Variants in ZMYM4 observed in about 807,000 individuals in gnomAD.
The protein encoded by ZMYM4 is zinc finger MYM-type containing 4, also known as zinc finger MYM-type protein 4.
In ZMYM4, 31 loss-of-function variants were observed where a neutral mutation model predicts 183.2. The ratio of observed to expected loss-of-function variants is 0.17; its 90% CI spans 0.13 to 0.23. ZMYM4 has a LOEUF of 0.23. ZMYM4 is among the 10% of genes least tolerant of loss of function. The pLI, the probability that ZMYM4 is intolerant of heterozygous loss-of-function variation, is 1.00. For synonymous variants in ZMYM4, 592 were observed against 631.2 expected, an observed-to-expected ratio of 0.94 and a Z score of 0.93; for missense variants, 1,273 against 1,840.3, an observed-to-expected ratio of 0.69 and a Z score of 5.64.
intron 2 of ZMYM4, among the ~76,000 whole-genome samples, chr1:35,350,024 G>T (rs192050627): frequency 8.4e-4 from 126 of 150,566 alleles, no homozygotes; most frequent in African/African-American, 2.9e-3. Context: ...GTTCAGTGGC[G>T]CAGTCATAAC....
intron 1 of ZMYM4, among the ~76,000 whole-genome samples, chr1:35,306,506 T>G (rs1468651538): frequency 6.6e-6 from 1 of 152,186 alleles, no homozygotes; most frequent in Non-Finnish European, 1.5e-5. Context: ...TTGTTTCATT[T>G]TATTTTTTAA....
intron 11 of ZMYM4, 41 bp from the exon 12 acceptor site, chr1:35,386,962 C>T (rs754533193): frequency 1.3e-6 from 2 of 1,583,046 alleles, no homozygotes; most frequent in East Asian, 4.6e-5. Flanking sequence ...TTTGTTTTAA[C>T]AAAGATTAAA....
chr1:35,320,769 A>G (rs1455943079), intron 1 of ZMYM4, among the ~76,000 whole-genome samples: 2 of 152,240 alleles, frequency 1.3e-5, no homozygotes, highest in Admixed American at 1.3e-4. Flanking sequence ...GTGATGAAAA[A>G]GTCCCACATA....
At chr1:35,392,813 C>A in intron 17 of ZMYM4, 129 bp downstream of exon 17, 1 of 644,666 alleles carries the variant, frequency 1.6e-6, no homozygotes, top group Non-Finnish European at 2.5e-6. Context: ...CTCATTTAAT[C>A]TTTGTTCAGG....
chr1:35,394,984 A>T (rs181585087), intron 18 of ZMYM4, among the ~76,000 whole-genome samples: 1 of 152,272 alleles, frequency 6.6e-6, no homozygotes, highest in South Asian at 2.1e-4. Flanking sequence ...TTTTTAAACT[A>T]GAAGGAAATT....
rs566375878 is a variant in ZMYM4 at position 35,307,628 on chromosome 1, G to A, written c.40-17732G>A. 6.2e-3 allele frequency among the ~76,000 whole-genome samples: 936 copies of A among 150,044 alleles called. 8 individuals carry two copies. Among genetic ancestry groups the A allele is most frequent in the African/African-American group, 0.019 (757 of 40,756 alleles). On this transcript the variant is annotated intron_variant, in intron 1 of 29. Coordinates refer to ENST00000314607, the MANE Select transcript of ZMYM4 (RefSeq NM_005095.3). ...CGGCTCACTGCAAGCTCTGCCTCCC[G>A]GGTTCACGCCATTCTCCTGCCTCAG...
rs1642681077 is a variant in ZMYM4, at chr1:35,330,262, A to G, written c.85+4857A>G. ...GAAGGGAGGGAGGGAGGGAGGAAGG[A>G]TAAGGAAGGAATGAGGAAAGAAAAG... On this transcript the variant is annotated intron_variant, in intron 2 of 29. Transcript: ENST00000314607. Among the ~76,000 whole-genome samples, 7 of 152,214 alleles carry G rather than the reference A, an allele frequency of 4.6e-5. No individual in the cohort carries two copies. The South Asian group carries it at 1.5e-3, about 32-fold the overall frequency.
intron 7 of ZMYM4, among the ~76,000 whole-genome samples, chr1:35,376,093 C>G (rs981497784): frequency 3.3e-5 from 5 of 151,450 alleles, no homozygotes; most frequent in African/African-American, 1.2e-4. Context: ...AAAAAAAAAT[C>G]TCATATTTTG....
intron 2 of ZMYM4, among the ~76,000 whole-genome samples, chr1:35,330,167 G>A (rs1011102601): frequency 2.0e-5 from 3 of 151,698 alleles, no homozygotes; most frequent in Admixed American, 6.6e-5. Flanking sequence ...GTGAGCTGAT[G>A]GTGCCATTGC....
intron 25 of ZMYM4, among the ~76,000 whole-genome samples, chr1:35,406,826 G>C (rs2149028463): frequency 6.6e-6 from 1 of 152,306 alleles, no homozygotes; most frequent in Middle Eastern, 3.4e-3. Flanking sequence ...GCAATGACTA[G>C]AAAGGGTGTT....
intron 7 of ZMYM4, among the ~76,000 whole-genome samples, chr1:35,379,637 C>T (rs568864457): frequency 3.7e-4 from 56 of 152,334 alleles, no homozygotes; most frequent in African/African-American, 1.3e-3. Flanking sequence ...ATGTTTGGCG[C>T]AAGAGGCCTA....
chr1:35,308,961 T>G (rs1641674396), intron 1 of ZMYM4: 1 of 985,020 alleles, frequency 1.0e-6, no homozygotes, highest in African/African-American at 1.7e-5. Context: ...GTTGAAAGAT[T>G]AGAGCAGACA....
chr1:35,384,608 TTTA>T (rs1644533595), intron 9 of ZMYM4, among the ~76,000 whole-genome samples: 1 of 152,134 alleles, frequency 6.6e-6, no homozygotes, highest in Non-Finnish European at 1.5e-5. Context: ...GAGTATTTTT[TTTA>T]TTATTAGTGG....
At chr1:35,410,366 T>C (rs1328016348) in intron 26 of ZMYM4, among the ~76,000 whole-genome samples, 1 of 152,186 alleles carries the variant, frequency 6.6e-6, no homozygotes, top group Non-Finnish European at 1.5e-5. Flanking sequence ...TATTAAACTT[T>C]TATCAGATAT....
In ZMYM4 at chr1:35,390,081, C is replaced by T. The variant is rs780061202; in HGVS notation, c.2570C>T (p.Pro857Leu). Residue 857 changes from proline (P) to leucine (L), a missense_variant, in exon 15 of 30, where the codon CCT becomes CTT. Physicochemically the swap from Pro to Leu is moderately conservative, Grantham distance 98. Transcript: ENST00000314607. ...AATCAGCAAAGTGTATGTGACCCGC[C>T]TTCACAAAATAATGCAGGTAAAATT... Reference protein sequence around the residue: ...FCNQQSVCDPPSQNNAANISM... With the variant: ...FCNQQSVCDPLSQNNAANISM... The T allele has an allele frequency of 6.2e-7, 1 of 1,613,426 alleles. No homozygotes were observed. Among genetic ancestry groups the T allele is most frequent in the Non-Finnish European group, 8.5e-7 (1 of 1,179,642 alleles).
chr1:35,419,747 A>C lies in ZMYM4; in HGVS notation c.*70A>C. ...AACTGTGAATGCATCCAGCTGTTGGAAAATGATGTATAAGTCTAAGTCCTC... is the reference window on the plus strand; with the variant it reads ...AACTGTGAATGCATCCAGCTGTTGGCAAATGATGTATAAGTCTAAGTCCTC... On this transcript the variant is annotated 3_prime_UTR_variant, in exon 30 of 30. Coordinates refer to ENST00000314607, the MANE Select transcript of ZMYM4 (RefSeq NM_005095.3). 6.7e-7 allele frequency: 1 copy of C among 1,485,432 alleles called. No individual in the cohort carries two copies. The highest frequency in any genetic ancestry group is 1.2e-5 in the South Asian group (1 of 84,764). 92.0% of individuals were successfully genotyped at this position (1,485,432 alleles called of 1,614,324 possible).
intron 15 of ZMYM4, among the ~76,000 whole-genome samples, chr1:35,391,094 C>T (rs1254595785): frequency 1.3e-5 from 2 of 152,086 alleles, no homozygotes; most frequent in Non-Finnish European, 2.9e-5. Context: ...GCCAGTGTCA[C>T]GGGCTGTAAA....
At chr1:35,390,470 G>A (rs1385954363) in intron 15 of ZMYM4, among the ~76,000 whole-genome samples, 2 of 152,050 alleles carry the variant, frequency 1.3e-5, no homozygotes, top group African/African-American at 4.8e-5. Flanking sequence ...AGTGCTCAGT[G>A]GGGGAGCTTT....
In ZMYM4 at chr1:35,398,994, G is replaced by A; in HGVS notation, c.3384G>A (p.Gln1128=). The A allele has an allele frequency of 1.2e-6, 2 of 1,614,116 alleles. No homozygotes were observed. The highest frequency in any genetic ancestry group is 8.5e-7 in the Non-Finnish European group (1 of 1,179,992). ...AAGAGGCTGATTCAGAATTGAAGCA[G>A]TTCTCAAAAGGGGAAACTGAACAGG... ...AVQEADSELK[Q]FSKGETEQDL... The change falls in exon 22 of 30, where the codon CAG becomes CAA. Residue 1128 remains glutamine (Q), a synonymous_variant. Coordinates refer to ENST00000314607, the MANE Select transcript of ZMYM4 (RefSeq NM_005095.3).
Sources: allele counts gnomAD v4.1 joint callset (sites outside exome capture counted in the v4.1 genomes callset), GRCh38; gene constraint gnomAD v4.1.1; transcripts MANE v1.5; gene names NCBI Gene and HGNC (gene_info 2026-07-23, HGNC 2026-07-21).